Variants in WDFY4 observed in about 807,000 individuals in gnomAD.
WDFY4 encodes the protein WDFY family member 4, also known as WD repeat- and FYVE domain-containing protein 4.
A neutral mutation model predicts 351.9 loss-of-function variants in WDFY4; 169 were observed. The observed-to-expected ratio is 0.48, with a 90% confidence interval of 0.42 to 0.55. The LOEUF (loss-of-function observed/expected upper bound fraction) is 0.55, where lower values mean the gene tolerates loss of function less well. WDFY4 is among the 20% of genes least tolerant of loss of function. WDFY4 has a pLI of 0.00. For synonymous variants in WDFY4, 1,622 were observed against 1,574.6 expected, an observed-to-expected ratio of 1.03 and a Z score of -0.71; for missense variants, 3,803 against 3,935.6, an observed-to-expected ratio of 0.97 and a Z score of 0.90.
chr10:48,796,227 G>A, intron 23 of WDFY4, 71 bp from the exon 24 acceptor site: 1 of 1,491,958 alleles, frequency 6.7e-7, no homozygotes, highest in Non-Finnish European at 9.0e-7. Context: ...GACTGGACTG[G>A]GACAAGTGGG....
Position 48,770,497 on chromosome 10 carries a change from T to C in WDFY4, c.2554-3961T>C, listed in dbSNP as rs147406564. Among the ~76,000 whole-genome samples, 642 of 152,338 alleles carry C rather than the reference T, an allele frequency of 4.2e-3. 2 individuals are homozygous for C. Among genetic ancestry groups the C allele is most frequent in the African/African-American group, 0.014 (573 of 41,568 alleles). ...ACAGACTGCATCCCAACTCTCACCC[T>C]AAATTGAAATAATGCAGTTACCACA... On this transcript the variant is annotated intron_variant, in intron 13 of 61. Transcript: ENST00000325239.
chr10:48,911,058 G>C (rs1395611807), intron 47 of WDFY4: 2 of 244,928 alleles, frequency 8.2e-6, no homozygotes. Context: ...TCTCTGCGTG[G>C]ACTCTATACC....
intron 39 of WDFY4, among the ~76,000 whole-genome samples, chr10:48,856,771 G>T (rs1043812949): frequency 6.6e-6 from 1 of 152,028 alleles, no homozygotes; most frequent in Non-Finnish European, 1.5e-5. Flanking sequence ...AGCATATATG[G>T]GAAATATTGG....
At chr10:48,874,801 C>A (rs190412435) in intron 41 of WDFY4, among the ~76,000 whole-genome samples, 217 of 152,302 alleles carry the variant, frequency 1.4e-3, no homozygotes, top group African/African-American at 5.0e-3. Context: ...TACACAGAGA[C>A]ATTGAGGATG....
intron 56 of WDFY4, among the ~76,000 whole-genome samples, chr10:48,969,558 G>A (rs1480048472): frequency 6.6e-6 from 1 of 152,144 alleles, no homozygotes; most frequent in Non-Finnish European, 1.5e-5. Context: ...GAAGTCCTGG[G>A]GGCTCCTCTG....
intron 50 of WDFY4, 84 bp downstream of exon 50, chr10:48,946,241 ACCTAG>A (rs1841037982): frequency 1.4e-5 from 15 of 1,062,924 alleles, no homozygotes; most frequent in Non-Finnish European, 2.1e-5. Flanking sequence ...TAAGGTGGTC[ACCTAG>A]CCTACAAGTA....
At chr10:48,927,835 T>C (rs923757814) in intron 47 of WDFY4, among the ~76,000 whole-genome samples, 2 of 152,242 alleles carry the variant, frequency 1.3e-5, no homozygotes, top group Non-Finnish European at 2.9e-5. Flanking sequence ...ATTCTGGATG[T>C]ACTCTGTTTT....
intron 42 of WDFY4, among the ~76,000 whole-genome samples, chr10:48,876,460 A>C (rs1460662683): frequency 6.6e-6 from 1 of 152,224 alleles, no homozygotes; most frequent in Admixed American, 6.5e-5. Context: ...TCTCCAACCA[A>C]GATGGGACAA....
intron 61 of WDFY4, among the ~76,000 whole-genome samples, chr10:48,982,067 G>A (rs566748133): frequency 3.2e-4 from 48 of 152,328 alleles, no homozygotes; most frequent in South Asian, 2.3e-3. Context: ...CTGTTCCGGG[G>A]TCCTTGGTGG....
chr10:48,856,707 A>G (rs1405289703), intron 39 of WDFY4, among the ~76,000 whole-genome samples: 3 of 152,160 alleles, frequency 2.0e-5, no homozygotes, highest in Non-Finnish European at 2.9e-5. Context: ...TTGCACTTTG[A>G]GTGACTATTT....
At chr10:48,925,609 CAGA>C (rs1204442785) in intron 47 of WDFY4, among the ~76,000 whole-genome samples, 1 of 152,148 alleles carries the variant, frequency 6.6e-6, no homozygotes, top group Non-Finnish European at 1.5e-5. Flanking sequence ...TCCCTGTGGG[CAGA>C]AGGACAGATT....
chr10:48,689,522 GAA>G (rs1419070715), intron 1 of WDFY4, among the ~76,000 whole-genome samples: 1 of 152,232 alleles, frequency 6.6e-6, no homozygotes, highest in African/African-American at 2.4e-5. Context: ...TGGGTTAAGT[GAA>G]ATATACTTTA....
intron 30 of WDFY4, among the ~76,000 whole-genome samples, chr10:48,812,436 C>G (rs1458755807): frequency 1.3e-5 from 2 of 152,076 alleles, no homozygotes; most frequent in Non-Finnish European, 2.9e-5. Flanking sequence ...GTGATCCACC[C>G]TCCTTGGCCT....
intron 43 of WDFY4, chr10:48,884,437 G>T (rs765471974): frequency 6.6e-6 from 1 of 152,108 alleles, no homozygotes; most frequent in Non-Finnish European, 1.5e-5. Flanking sequence ...TGGCCTTGTA[G>T]TTTCCCTGGA....
intron 13 of WDFY4, among the ~76,000 whole-genome samples, chr10:48,767,867 G>A (rs1398680293): frequency 6.6e-6 from 1 of 152,142 alleles, no homozygotes; most frequent in Non-Finnish European, 1.5e-5. Context: ...CCAGCTGGGT[G>A]GGCAGGCTCT....
chr10:48,942,344 A>G lies in WDFY4; in HGVS notation c.7629+496A>G, dbSNP rs541298295. The stretch of plus-strand genomic sequence containing the variant: ...GTCGGTGATGGAGTACAAATCTTGC[A>G]CATTGGAGTCAGAGCTGGGGAATGT... On this transcript the variant is annotated intron_variant, in intron 48 of 61. Coordinates refer to ENST00000325239, the MANE Select transcript of WDFY4 (RefSeq NM_001394531.1). Among the ~76,000 whole-genome samples, 7 of 151,670 alleles carry G rather than the reference A, an allele frequency of 4.6e-5. No individual in the cohort carries two copies. In the South Asian group the frequency reaches 1.3e-3, roughly 27 times the overall value.
chr10:48,908,728 G>A (rs1837760779), intron 47 of WDFY4, among the ~76,000 whole-genome samples: 1 of 151,934 alleles, frequency 6.6e-6, no homozygotes, highest in African/African-American at 2.4e-5. Context: ...CTCTACCATG[G>A]TTACATTTTA....
intron 19 of WDFY4, among the ~76,000 whole-genome samples, chr10:48,781,478 TAG>T (rs2066223399): frequency 6.6e-6 from 1 of 152,096 alleles, no homozygotes; most frequent in Admixed American, 6.5e-5. Flanking sequence ...GTATTTTTAG[TAG>T]AGACGGGGTT....
intron 52 of WDFY4, 28 bp from the exon 53 acceptor site, chr10:48,959,694 A>G (rs1476737463): frequency 1.3e-6 from 2 of 1,549,302 alleles, no homozygotes; most frequent in African/African-American, 1.4e-5. Context: ...GAGTTACCCA[A>G]ATCTCTGCTG....
Sources: gnomAD v4.1 joint callset for allele counts (sites outside exome capture counted in the v4.1 genomes callset) on GRCh38, gnomAD v4.1.1 for gene constraint, MANE v1.5 for transcripts, NCBI Gene and HGNC (gene_info 2026-07-23, HGNC 2026-07-21) for gene names.